Variants in RAPGEF6 observed in about 807,000 individuals in gnomAD.
RAPGEF6 encodes the protein Rap guanine nucleotide exchange factor 6.
In RAPGEF6, 56 loss-of-function variants were observed where a neutral mutation model predicts 171.4. That is an observed-to-expected ratio of 0.33 (90% CI 0.26 to 0.41). RAPGEF6 has a LOEUF of 0.41. RAPGEF6 is among the 10% of genes least tolerant of loss of function. The probability of loss-of-function intolerance (pLI) is 1.00; values close to 1 mark genes in which losing one functional copy is unlikely to be tolerated. For synonymous variants in RAPGEF6, 692 were observed against 650.1 expected (o/e 1.06, Z -0.98); for missense variants, 1,674 against 1,921.4 (o/e 0.87, Z 2.41).
At chr5:131,626,434 G>C (rs1765939143) in intron 1 of RAPGEF6, among the ~76,000 whole-genome samples, 1 of 151,880 alleles carries the variant, frequency 6.6e-6, no homozygotes, top group African/African-American at 2.4e-5. Flanking sequence ...CTTACAGATT[G>C]GCTTCTTATT....
At chr5:131,621,054 G>T (rs1000780102) in intron 1 of RAPGEF6, among the ~76,000 whole-genome samples, 1 of 152,090 alleles carries the variant, frequency 6.6e-6, no homozygotes, top group Non-Finnish European at 1.5e-5. Context: ...AGCTGCCTAG[G>T]CAACTTGCAT....
intron 5 of RAPGEF6, among the ~76,000 whole-genome samples, chr5:131,555,030 T>C (rs545616819): frequency 3.3e-5 from 5 of 152,084 alleles, no homozygotes; most frequent in Admixed American, 1.3e-4. Context: ...TGAATACAAA[T>C]AGAAAAGTCT....
chr5:131,586,417 C>A (rs1387659788), intron 4 of RAPGEF6, among the ~76,000 whole-genome samples: 3 of 152,190 alleles, frequency 2.0e-5, no homozygotes, highest in Admixed American at 1.3e-4. Flanking sequence ...CTTTGGGAAG[C>A]CAAGGCAGGT....
At chr5:131,451,866 C>T (rs1263479632) in intron 21 of RAPGEF6, among the ~76,000 whole-genome samples, 1 of 152,140 alleles carries the variant, frequency 6.6e-6, no homozygotes, top group Non-Finnish European at 1.5e-5. Context: ...AAGCTATACA[C>T]ATAGGCCCAA....
chr5:131,486,025 C>T (rs1309262517), intron 15 of RAPGEF6, among the ~76,000 whole-genome samples: 3 of 152,026 alleles, frequency 2.0e-5, no homozygotes, highest in Non-Finnish European at 2.9e-5. Flanking sequence ...TTTTGTCAGG[C>T]ACCTATAATC....
chr5:131,539,903 C>T (rs1445771499), intron 6 of RAPGEF6, among the ~76,000 whole-genome samples: 1 of 152,190 alleles, frequency 6.6e-6, no homozygotes, highest in East Asian at 1.9e-4. Flanking sequence ...TAGCGTGTCA[C>T]ATCATCCTAC....
intron 3 of RAPGEF6, among the ~76,000 whole-genome samples, chr5:131,594,674 T>C (rs1469359825): frequency 6.6e-6 from 1 of 152,178 alleles, no homozygotes; most frequent in African/African-American, 2.4e-5. Flanking sequence ...GGCTGTACCC[T>C]GCAGAGCCAC....
intron 27 of RAPGEF6, 103 bp downstream of exon 27, chr5:131,428,799 A>T (rs1751523077): frequency 8.0e-7 from 1 of 1,253,374 alleles, no homozygotes; most frequent in African/African-American, 1.5e-5. Flanking sequence ...GATTCAAGGC[A>T]TTTAAAGAAA....
At chr5:131,520,870 C>A (rs529607505) in intron 7 of RAPGEF6, among the ~76,000 whole-genome samples, 9 of 152,266 alleles carry the variant, frequency 5.9e-5, no homozygotes, top group African/African-American at 2.2e-4. Flanking sequence ...ACAATGATCA[C>A]TGAAAAGCTC....
chr5:131,466,505 T>G (rs1754360215), intron 17 of RAPGEF6, among the ~76,000 whole-genome samples: 1 of 152,158 alleles, frequency 6.6e-6, no homozygotes, highest in South Asian at 2.1e-4. Flanking sequence ...AATTCCCACA[T>G]GTCATGGGAG....
intron 15 of RAPGEF6, among the ~76,000 whole-genome samples, chr5:131,483,819 G>A (rs1343286944): frequency 6.6e-6 from 1 of 152,062 alleles, no homozygotes; most frequent in African/African-American, 2.4e-5. Context: ...ACTTTACAGA[G>A]GCCGGGCGTG....
chr5:131,546,909 A>T (rs994903464), intron 6 of RAPGEF6, among the ~76,000 whole-genome samples: 3 of 152,194 alleles, frequency 2.0e-5, no homozygotes, highest in Admixed American at 6.5e-5. Context: ...TGTAATAGGA[A>T]CAATCTGTTT....
intron 4 of RAPGEF6, among the ~76,000 whole-genome samples, chr5:131,566,216 A>T (rs568547828): frequency 6.6e-6 from 1 of 152,182 alleles, no homozygotes; most frequent in Non-Finnish European, 1.5e-5. Context: ...TATAATAATA[A>T]AATTTTTGTA....
chr5:131,532,858 C>G lies in RAPGEF6; in HGVS notation c.496-11337G>C, dbSNP rs1017345998. On this transcript the variant is annotated intron_variant, in intron 6 of 27. Transcript: ENST00000509018. Reference sequence around the variant, plus strand: ...GTAAAACAGCACTGTTGATTTAAGTCTAGCTTTTCTGGTTAAACATTTTTA... The same window carrying G: ...GTAAAACAGCACTGTTGATTTAAGTGTAGCTTTTCTGGTTAAACATTTTTA... 11 of 152,548 alleles carry G rather than the reference C, an allele frequency of 7.2e-5. 1 individual carries two copies. Among genetic ancestry groups the G allele is most frequent in the Admixed American group, 5.9e-4 (9 of 15,270 alleles). The allele number at this position is 152,548 out of a possible 1,614,324, so 9.4% of individuals were successfully genotyped here. A position where few individuals can be genotyped will look rare whatever the true frequency, so the allele number is the denominator to read the frequency against.
chr5:131,518,071 G>C (rs1200845021), intron 7 of RAPGEF6, among the ~76,000 whole-genome samples: 1 of 151,796 alleles, frequency 6.6e-6, no homozygotes, highest in African/African-American at 2.4e-5. Context: ...ACCACTAGTA[G>C]AAAAACACTG....
chr5:131,450,563 T>A (rs975313874), intron 21 of RAPGEF6, among the ~76,000 whole-genome samples: 9 of 152,140 alleles, frequency 5.9e-5, no homozygotes, highest in Non-Finnish European at 1.0e-4. Flanking sequence ...AAATCCAACT[T>A]AAAATGTAAG....
chr5:131,458,741 C>T (rs1415960502), intron 19 of RAPGEF6, among the ~76,000 whole-genome samples: 1 of 152,198 alleles, frequency 6.6e-6, no homozygotes, highest in African/African-American at 2.4e-5. Context: ...GCAACCTCCA[C>T]CTCCTGGGTT....
At chr5:131,570,970 A>C (rs908150911) in intron 4 of RAPGEF6, among the ~76,000 whole-genome samples, 1 of 111,204 alleles carries the variant, frequency 9.0e-6, no homozygotes, top group Non-Finnish European at 1.8e-5. Flanking sequence ...TTTGAGAGGG[A>C]GTCTGGTTCT....
At chr5:131,627,251 T>C (rs1765990186) in intron 1 of RAPGEF6, among the ~76,000 whole-genome samples, 1 of 152,212 alleles carries the variant, frequency 6.6e-6, no homozygotes, top group Admixed American at 6.5e-5. Context: ...AGATGGTTGA[T>C]ATATGAAGCT....
Sources: gnomAD v4.1 joint callset for allele counts (sites outside exome capture counted in the v4.1 genomes callset) on GRCh38, gnomAD v4.1.1 for gene constraint, MANE v1.5 for transcripts, NCBI Gene and HGNC (gene_info 2026-07-23, HGNC 2026-07-21) for gene names.